ADAMTS10: variants seen among roughly 807,000 people sequenced by gnomAD.
The protein encoded by ADAMTS10 is A disintegrin and metalloproteinase with thrombospondin motifs 10.
In ADAMTS10, 48 loss-of-function variants were observed where a neutral mutation model predicts 135.9. The ratio of observed to expected loss-of-function variants is 0.35; its 90% confidence interval spans 0.28 to 0.45. The LOEUF (loss-of-function observed/expected upper bound fraction) is 0.45, where lower values mean the gene tolerates loss of function less well. Ranked by LOEUF, ADAMTS10 falls within the 20% of genes least tolerant of loss-of-function variation. The pLI is 1.00. For missense variants in ADAMTS10, 1,131 were observed against 1,565.2 expected (o/e 0.72, Z 4.68); for synonymous variants, 621 against 647.5 (o/e 0.96, Z 0.62).
At position 8,596,179 on chromosome 19, in the gene ADAMTS10, C is replaced by T. The variant is rs200475700; in HGVS notation, c.1231G>A (p.Ala411Thr). The change falls in exon 11 of 26, where the codon GCC (alanine) becomes ACC (threonine). Residue 411 changes from alanine (A) to threonine (T), a missense_variant. Transcript: ENST00000597188. The surrounding 1 kb of genome is among the most constrained non-coding windows in gnomAD (Gnocchi z 7.2). ...AGCTTGGCTGGGTCCTGACCACGGG[C>T]CCCACAGCTGTTTCCCACGCCGTCA... ...NHDGVGNSCG[A>T]RGQDPAKLMA... The T allele has an allele frequency of 3.1e-6, 5 of 1,614,120 alleles. No individual in the cohort carries two copies. In the Admixed American group the frequency reaches 5.0e-5, roughly 16 times the overall value.
intron 13 of ADAMTS10, 105 bp from the exon 14 acceptor site, chr19:8,592,208 C>CGCGATGGGGCTGGAAG (rs1555739179): frequency 6.4e-7 from 1 of 1,571,098 alleles, no homozygotes; most frequent in African/African-American, 1.4e-5. Context: ...TCAGCCTCTC[C>CGCGATGGGGCTGGAAG]GGGATGGGCA....
rs555460979 is a variant in ADAMTS10, at chr19:8,592,939, G to A, written c.1480-69C>T. 128 of 1,435,176 alleles carry A rather than the reference G, an allele frequency of 8.9e-5. 1 individual carries two copies. The East Asian group carries it at 2.9e-3, about 32-fold the overall frequency. 88.9% of individuals were successfully genotyped at this position (1,435,176 alleles called of 1,614,324 possible). A position where few individuals can be genotyped will look rare whatever the true frequency, so the allele number is the denominator to read the frequency against. ...TCCCTGGGGCAGCCCGCCCGGCTTG[G>A]GAGGACCCAGATGTCCGGCTCACTG... is the stretch of plus-strand genomic sequence containing the variant. On this transcript the variant is annotated intron_variant, in intron 12 of 25. Transcript: ENST00000597188.
chr19:8,600,777 T>G, intron 6 of ADAMTS10, 151 bp downstream of exon 6: 5 of 906,372 alleles, frequency 5.5e-6, no homozygotes, highest in Non-Finnish European at 8.6e-6. Flanking sequence ...GGATTACAGG[T>G]GTGAGCCACC....
In ADAMTS10 at chr19:8,580,445, CCT is replaced by C. The variant is rs1406984290; in HGVS notation, c.*446_*447del. 349 of 171,058 alleles carry C rather than the reference CCT, an allele frequency of 2.0e-3. 1 individual carries two copies. Among genetic ancestry groups the C allele is most frequent in the African/African-American group, 7.5e-3 (310 of 41,416 alleles). The allele number at this position is 171,058 out of a possible 1,614,324, so 10.6% of individuals were successfully genotyped here. On this transcript the variant is annotated 3_prime_UTR_variant, in exon 26 of 26. Transcript: ENST00000597188. Reference sequence around the variant, plus strand: ...TCAGGGAGGTGGTGCTACCCCCCCCCCTCCCATAGCAGACACAGATTCCCCCC... The same window carrying C: ...TCAGGGAGGTGGTGCTACCCCCCCCCCCCATAGCAGACACAGATTCCCCCC...
At chr19:8,584,120 G>C (rs2042390172) in intron 25 of ADAMTS10, among the ~76,000 whole-genome samples, 1 of 128,660 alleles carries the variant, frequency 7.8e-6, no homozygotes, top group African/African-American at 3.1e-5. Flanking sequence ...TCAGGTCACT[G>C]CACTCCAGCC....
At position 8,592,850 on chromosome 19, in the gene ADAMTS10, C is replaced by T; in HGVS notation, c.1500G>A (p.Trp500Ter). 6.2e-7 allele frequency: 1 copy of T among 1,612,440 alleles called. No homozygotes were observed. The highest frequency in any genetic ancestry group is 8.5e-7 in the Non-Finnish European group (1 of 1,179,848). The change falls in exon 13 of 26, where the codon TGG becomes TGA. Residue 500 changes from tryptophan (W) to a stop codon, truncating the protein, a stop_gained. Coordinates refer to ENST00000597188, the MANE Select transcript of ADAMTS10 (RefSeq NM_030957.4). LOFTEE classifies it high-confidence loss of function. ...TGCACCGGTTGCTCTTGCTCAGACA[C>T]CACAGCTCGCTGCAGACCTCCTGCG... is the stretch of plus-strand genomic sequence containing the variant. ...CKYGEVCSEL[W>*]CLSKSNRCIT...
chr19:8,590,398 C>T (rs1019167102), intron 15 of ADAMTS10, among the ~76,000 whole-genome samples: 3 of 152,218 alleles, frequency 2.0e-5, no homozygotes, highest in South Asian at 2.1e-4. Flanking sequence ...CTCAGCCTCC[C>T]GAGTAGCTGG....
intron 1 of ADAMTS10, among the ~76,000 whole-genome samples, chr19:8,609,078 C>T (rs1600125464): frequency 6.6e-6 from 1 of 151,332 alleles, no homozygotes; most frequent in African/African-American, 2.4e-5. Context: ...GGGACAGAGA[C>T]GGTGGTGGCC....
In ADAMTS10 at chr19:8,589,359, C is replaced by T. The variant is rs781966386; in HGVS notation, c.2041G>A (p.Gly681Ser). The T allele has an allele frequency of 2.5e-6, 4 of 1,612,234 alleles. No homozygotes were observed. Among genetic ancestry groups the T allele is most frequent in the Non-Finnish European group, 3.4e-6 (4 of 1,179,914 alleles). The change falls in exon 18 of 26, where the codon GGC becomes AGC. Residue 681 changes from glycine to serine, a missense_variant. This residue lies in a region of ADAMTS10 where 745 missense variants were observed against 1,056.3 expected (regional missense o/e 0.71). Coordinates refer to ENST00000597188, the MANE Select transcript of ADAMTS10 (RefSeq NM_030957.4). ...ICVSGECKHV[G>S]CDRVLGSDLR... Reference sequence around the variant, plus strand: ...TCGGAGCCCAGGACTCGGTCGCAGCCCACGTGCTGCGTGGAGAAGGCGTGA... The same window carrying T: ...TCGGAGCCCAGGACTCGGTCGCAGCTCACGTGCTGCGTGGAGAAGGCGTGA...
At chr19:8,609,234 CTGTGTGTG>C (rs35269308) in intron 1 of ADAMTS10, among the ~76,000 whole-genome samples, 2 of 139,834 alleles carry the variant, frequency 1.4e-5, no homozygotes, top group African/African-American at 2.6e-5. Context: ...GTGTGTGACC[CTGTGTGTG>C]TGTGTGTGTG....
In ADAMTS10 at chr19:8,596,848, A is replaced by G; in HGVS notation, c.1040+139T>C. 2 of 1,389,104 alleles carry G rather than the reference A, an allele frequency of 1.4e-6. No homozygotes were observed. Among genetic ancestry groups the G allele is most frequent in the Non-Finnish European group, 2.0e-6 (2 of 1,005,258 alleles). The allele number at this position is 1,389,104 out of a possible 1,614,324, so 86.0% of individuals were successfully genotyped here. On this transcript the variant is annotated intron_variant, in intron 8 of 25. Transcript: ENST00000597188. The surrounding 1 kb of genome is among the most constrained non-coding windows in gnomAD (Gnocchi z 7.2). ...CATTATTCTCAAGCAGCCCCTCCCCATCCCTGGCTCCCTCATGGGCAGCCC... is the reference window on the plus strand; with the variant it reads ...CATTATTCTCAAGCAGCCCCTCCCCGTCCCTGGCTCCCTCATGGGCAGCCC...
At chr19:8,592,208 C>CAGGATGGGGCTGGAAG (rs71179860) in intron 13 of ADAMTS10, 105 bp from the exon 14 acceptor site, 4 of 1,571,872 alleles carry the variant, frequency 2.5e-6, no homozygotes, top group African/African-American at 2.7e-5. Flanking sequence ...TCAGCCTCTC[C>CAGGATGGGGCTGGAAG]GGGATGGGCA....
intron 2 of ADAMTS10, among the ~76,000 whole-genome samples, chr19:8,606,466 A>G (rs1418989412): frequency 6.6e-6 from 1 of 152,082 alleles, no homozygotes; most frequent in Non-Finnish European, 1.5e-5. Context: ...CAATGGCGCA[A>G]TCGCGGCTCA....
Position 8,590,452 on chromosome 19 carries a change from T to C in ADAMTS10, c.1798-461A>G, listed in dbSNP as rs545651009. On this transcript the variant is annotated intron_variant, in intron 15 of 25. Transcript: ENST00000597188. ...CTATGCCTGGCTAATTTTTGCATTA[T>C]TTATTTATTTATTTATTTATTTTTA... Among the ~76,000 whole-genome samples the C allele has an allele frequency of 2.0e-5, 3 of 151,730 alleles. No homozygotes were observed. The South Asian group carries it at 6.3e-4, about 32-fold the overall frequency.
rs111234410 is a variant in ADAMTS10 at position 8,605,632 on chromosome 19, G to A, written c.79C>T (p.Arg27Trp). 35 of 1,613,106 alleles carry A rather than the reference G, an allele frequency of 2.2e-5. No individual in the cohort carries two copies. The highest frequency in any genetic ancestry group is 3.3e-5 in the South Asian group (3 of 91,004). Residue 27 changes from arginine to tryptophan, a missense_variant, in exon 3 of 26, where the codon CGG becomes TGG. By Grantham distance (101) the Arg-to-Trp change is moderately radical. This residue lies in a region of ADAMTS10 where 306 missense variants were observed against 344.4 expected (regional missense o/e 0.89). Transcript: ENST00000597188. The surrounding 1 kb of genome is among the most constrained non-coding windows in gnomAD (Gnocchi z 7.7). The part of the protein sequence containing the change: ...GLMFEVTHAF[R>W]SQDEFLSSLE... Reference sequence around the variant, plus strand: ...ACCAGACTTCCCCTACCTTGAGACCGGAAGGCGTGCGTGACCTCGAACATG... The same window carrying A: ...ACCAGACTTCCCCTACCTTGAGACCAGAAGGCGTGCGTGACCTCGAACATG...
Position 8,596,510 on chromosome 19 carries a change from A to G in ADAMTS10, c.1084+32T>C. 1 of 1,613,880 alleles carries G rather than the reference A, an allele frequency of 6.2e-7. No homozygotes were observed. Among genetic ancestry groups the G allele is most frequent in the Non-Finnish European group, 8.5e-7 (1 of 1,179,866 alleles). On this transcript the variant is annotated intron_variant, in intron 9 of 25. Transcript: ENST00000597188. The surrounding 1 kb of genome is among the most constrained non-coding windows in gnomAD (Gnocchi z 7.2). ...GGTCTCACCCCAGCCCACTGCCTTC[A>G]TAGGCGCCTGAAACCTACGGGGCTC...
chr19:8,586,344 C>A lies in ADAMTS10; in HGVS notation c.2530G>T (p.Gly844Cys), dbSNP rs782582642. ...WTKCSAQCAG[G>C]SQVQAVECRN... is the part of the protein sequence containing the mutation. ...TGCCTTCCCCCACCCCCGGCCTCACCGCCTGCACACTGGGCCGAGCACTTG... is the reference window on the plus strand; with the variant it reads ...TGCCTTCCCCCACCCCCGGCCTCACAGCCTGCACACTGGGCCGAGCACTTG... The change falls in exon 21 of 26, where the codon GGT becomes TGT. Residue 844 changes from glycine (G) to cysteine (C), a missense_variant and splice_region_variant. Physicochemically the swap from Gly to Cys is radical, Grantham distance 159. Coordinates refer to ENST00000597188, the MANE Select transcript of ADAMTS10 (RefSeq NM_030957.4). 2 of 1,613,718 alleles carry A rather than the reference C, an allele frequency of 1.2e-6. No homozygotes were observed. Among genetic ancestry groups the A allele is most frequent in the Non-Finnish European group, 1.7e-6 (2 of 1,179,924 alleles).
intron 5 of ADAMTS10, among the ~76,000 whole-genome samples, chr19:8,602,730 A>T (rs1053052063): frequency 5.3e-5 from 8 of 152,086 alleles, no homozygotes. Context: ...GGCTCAAGTG[A>T]TCCTCCTGCC....
intron 13 of ADAMTS10, chr19:8,592,347 A>G: frequency 1.4e-6 from 1 of 738,582 alleles, no homozygotes; most frequent in South Asian, 1.9e-5. Context: ...AGACAGGACC[A>G]CGATAAGCGT....
Sources: gnomAD v4.1 joint callset for allele counts (sites outside exome capture counted in the v4.1 genomes callset) on GRCh38, gnomAD v4.1.1 for gene constraint, gnomAD v4.1.1 regional missense constraint, Gnocchi (gnomAD v3.1) non-coding constraint, MANE v1.5 for transcripts, NCBI Gene and HGNC (gene_info 2026-07-23, HGNC 2026-07-21) for gene names.